CPLX4: variants seen among roughly 807,000 people sequenced by gnomAD.
The protein encoded by CPLX4 is complexin 4, also known as complexin-4.
Under a neutral mutation model 16.1 loss-of-function variants are expected in CPLX4, and 17 were observed. That is an observed-to-expected ratio of 1.06 (90% CI 0.72 to 1.59). The LOEUF (loss-of-function observed/expected upper bound fraction) is 1.59. Ranked by LOEUF, CPLX4 falls within the 40% of genes most tolerant of loss-of-function variation. The probability of loss-of-function intolerance (pLI) is 0.00; values close to 1 mark genes in which losing one functional copy is unlikely to be tolerated. For synonymous variants in CPLX4, 55 were observed against 57.8 expected (o/e 0.95, Z 0.22); for missense variants, 193 against 192.9 (o/e 1.00, Z 0.00).
chr18:59,307,968 G>T (rs1488412421), intron 2 of CPLX4, among the ~76,000 whole-genome samples: 3 of 151,654 alleles, frequency 2.0e-5, no homozygotes, highest in African/African-American at 7.3e-5. Context: ...AGTAGAGACG[G>T]GGTTTCACCA....
At chr18:59,300,626 G>A (rs2070534394) in intron 2 of CPLX4, among the ~76,000 whole-genome samples, 1 of 152,190 alleles carries the variant, frequency 6.6e-6, no homozygotes, top group Admixed American at 6.5e-5. Context: ...ATGGAGAATT[G>A]CATTATTTGC....
chr18:59,301,193 A>C (rs909862405), intron 2 of CPLX4, among the ~76,000 whole-genome samples: 1 of 152,226 alleles, frequency 6.6e-6, no homozygotes, highest in South Asian at 2.1e-4. Flanking sequence ...GCACTTAGGC[A>C]GGGCGTTTGG....
rs950743368 is a variant in CPLX4, at chr18:59,318,549, A to G, written c.-87T>C. The G allele has an allele frequency of 2.7e-6, 4 of 1,496,966 alleles. No individual in the cohort carries two copies. The highest frequency in any genetic ancestry group is 2.4e-5 in the East Asian group (1 of 42,122). The allele number at this position is 1,496,966 out of a possible 1,614,324, so 92.7% of individuals were successfully genotyped here. A position where few individuals can be genotyped will look rare whatever the true frequency, so the allele number is the denominator to read the frequency against. On this transcript the variant is annotated 5_prime_UTR_variant, in exon 1 of 3. Transcript: ENST00000299721. ...CAAACCCAAGAGAAAACCTCCAAAT[A>G]TTCTCAATGACAGCAATACATTTAA...
Position 59,295,406 on chromosome 18 carries a change from G to A in CPLX4, c.*1292C>T, listed in dbSNP as rs1347090616. 1 of 151,986 alleles carries A rather than the reference G, an allele frequency of 6.6e-6. No individual in the cohort carries two copies. The highest frequency in any genetic ancestry group is 1.5e-5 in the Non-Finnish European group (1 of 67,988). The allele number at this position is 151,986 out of a possible 1,614,324, so 9.4% of individuals were successfully genotyped here. A position where few individuals can be genotyped will look rare whatever the true frequency, so the allele number is the denominator to read the frequency against. On this transcript the variant is annotated 3_prime_UTR_variant, in exon 3 of 3. Coordinates refer to ENST00000299721, the MANE Select transcript of CPLX4 (RefSeq NM_181654.4). ...AACTTTGCCAAGGACCATAGGTTTTGGACCTCTATTCATTTGTTTTATTTG... is the reference window on the plus strand; with the variant it reads ...AACTTTGCCAAGGACCATAGGTTTTAGACCTCTATTCATTTGTTTTATTTG...
In CPLX4 at chr18:59,309,837, A is replaced by AAG. The variant is rs1555670151; in HGVS notation, c.255+2847_255+2848insCT. Among the ~76,000 whole-genome samples, 48 of 116,008 alleles carry AAG rather than the reference A, an allele frequency of 4.1e-4. 1 individual carries two copies. The highest frequency in any genetic ancestry group is 3.9e-3 in the South Asian group (14 of 3,550). 76.1% of individuals were successfully genotyped at this position (116,008 alleles called of 152,430 possible). Reference sequence around the variant, plus strand: ...GACTCTGTGTCAAAAAAAAAAAAAAAAAAAAGAAAAAGAAAAAAAGAGTAG... The same window carrying AAG: ...GACTCTGTGTCAAAAAAAAAAAAAAAAGAAAAAGAAAAAGAAAAAAAGAGTAG... On this transcript the variant is annotated intron_variant, in intron 2 of 2. Coordinates refer to ENST00000299721, the MANE Select transcript of CPLX4 (RefSeq NM_181654.4).
At chr18:59,298,177 C>A (rs2070515863) in intron 2 of CPLX4, among the ~76,000 whole-genome samples, 1 of 151,924 alleles carries the variant, frequency 6.6e-6, no homozygotes, top group Non-Finnish European at 1.5e-5. Flanking sequence ...GCAGCCTTGG[C>A]CTCCTGGGCT....
intron 1 of CPLX4, among the ~76,000 whole-genome samples, chr18:59,316,255 G>GCA (rs1048199844): frequency 1.8e-5 from 2 of 109,314 alleles, no homozygotes; most frequent in African/African-American, 4.1e-5. Context: ...AGTGGTGCGT[G>GCA]CGCACACACA....
Position 59,314,558 on chromosome 18 carries a change from T to C in CPLX4, c.168-1786A>G, listed in dbSNP as rs1056366154. ...TGCACAAACCTCTGAAGCACACCATTCAATGATTCCCCAAAAAGCACACAC... is the reference window on the plus strand; with the variant it reads ...TGCACAAACCTCTGAAGCACACCATCCAATGATTCCCCAAAAAGCACACAC... On this transcript the variant is annotated intron_variant, in intron 1 of 2. Transcript: ENST00000299721. Among the ~76,000 whole-genome samples, 128 of 152,238 alleles carry C rather than the reference T, an allele frequency of 8.4e-4. 1 individual carries two copies. The highest frequency in any genetic ancestry group is 3.1e-3 in the African/African-American group (127 of 41,532).
At chr18:59,298,278 A>G (rs1255380584) in intron 2 of CPLX4, among the ~76,000 whole-genome samples, 1 of 152,106 alleles carries the variant, frequency 6.6e-6, no homozygotes, top group Non-Finnish European at 1.5e-5. Context: ...CACTTAGGCT[A>G]TAGAGTCTCT....
At chr18:59,316,817 G>A (rs1381130589) in intron 1 of CPLX4, among the ~76,000 whole-genome samples, 1 of 152,016 alleles carries the variant, frequency 6.6e-6, no homozygotes, top group Non-Finnish European at 1.5e-5. Context: ...CATATTAGGT[G>A]ATATTTTGCA....
At chr18:59,297,939 C>T (rs1413780328) in intron 2 of CPLX4, among the ~76,000 whole-genome samples, 1 of 152,178 alleles carries the variant, frequency 6.6e-6, no homozygotes, top group Non-Finnish European at 1.5e-5. Context: ...TTAAGTGAAC[C>T]ATCAAGGGCA....
At chr18:59,313,600 C>T (rs891925764) in intron 1 of CPLX4, among the ~76,000 whole-genome samples, 1 of 152,204 alleles carries the variant, frequency 6.6e-6, no homozygotes, top group Non-Finnish European at 1.5e-5. Context: ...ATGGCCCTGC[C>T]CTCTGGCTAT....
chr18:59,298,600 G>T (rs1367599894), intron 2 of CPLX4, among the ~76,000 whole-genome samples: 1 of 152,040 alleles, frequency 6.6e-6, no homozygotes, highest in Non-Finnish European at 1.5e-5. Flanking sequence ...TTCTGCACCT[G>T]GTGACTTCTG....
Position 59,318,569 on chromosome 18 carries a change from A to C in CPLX4, c.-107T>G. 1.4e-6 allele frequency: 2 copies of C among 1,460,312 alleles called. No individual in the cohort carries two copies. Among genetic ancestry groups the C allele is most frequent in the South Asian group, 2.9e-5 (2 of 68,128 alleles). The allele number at this position is 1,460,312 out of a possible 1,614,324, so 90.5% of individuals were successfully genotyped here. On this transcript the variant is annotated 5_prime_UTR_variant, in exon 1 of 3. The change abolishes an upstream ATG in the 5' untranslated region. Transcript: ENST00000299721. Reference sequence around the variant, plus strand: ...CAAATATTCTCAATGACAGCAATACATTTAAGAGCAAAGGACTTTGCACAA... The same window carrying C: ...CAAATATTCTCAATGACAGCAATACCTTTAAGAGCAAAGGACTTTGCACAA...
chr18:59,314,936 T>C (rs1382489932), intron 1 of CPLX4, among the ~76,000 whole-genome samples: 1 of 152,258 alleles, frequency 6.6e-6, no homozygotes, highest in Admixed American at 6.5e-5. Context: ...CCTGAATTGT[T>C]CCCCATTTGG....
chr18:59,307,386 G>A (rs544112388), intron 2 of CPLX4, among the ~76,000 whole-genome samples: 1 of 152,340 alleles, frequency 6.6e-6, no homozygotes, highest in East Asian at 1.9e-4. Context: ...TCTAGGAAAA[G>A]AACTTAGAAG....
rs747546607 is a variant in CPLX4 at position 59,296,671 on chromosome 18, G to T, written c.*27C>A. The T allele has an allele frequency of 1.3e-6, 2 of 1,594,930 alleles. No individual in the cohort carries two copies. The highest frequency in any genetic ancestry group is 8.6e-7 in the Non-Finnish European group (1 of 1,164,238). Reference sequence around the variant, plus strand: ...GAGTGGTCTTTTCCAAGGATGGCTGGTTCCCTCCCTCCACCCCTCCCACCC... The same window carrying T: ...GAGTGGTCTTTTCCAAGGATGGCTGTTTCCCTCCCTCCACCCCTCCCACCC... On this transcript the variant is annotated 3_prime_UTR_variant, in exon 3 of 3. Transcript: ENST00000299721.
intron 2 of CPLX4, among the ~76,000 whole-genome samples, chr18:59,311,990 G>T (rs2070620000): frequency 6.6e-6 from 1 of 152,136 alleles, no homozygotes; most frequent in African/African-American, 2.4e-5. Flanking sequence ...AATAGAGGTG[G>T]AATATCATAG....
At chr18:59,313,069 C>A (rs1161213860) in intron 1 of CPLX4, among the ~76,000 whole-genome samples, 1 of 152,138 alleles carries the variant, frequency 6.6e-6, no homozygotes, top group African/African-American at 2.4e-5. Context: ...GACTGTTCAG[C>A]CAGGGACCAT....
Sources: gnomAD v4.1 joint callset for allele counts (sites outside exome capture counted in the v4.1 genomes callset) on GRCh38, gnomAD v4.1.1 for gene constraint, MANE v1.5 for transcripts, NCBI Gene and HGNC (gene_info 2026-07-23, HGNC 2026-07-21) for gene names.